Variants in FLT1 observed in about 807,000 individuals in gnomAD.
FLT1 encodes vascular endothelial growth factor receptor 1.
Under a neutral mutation model 156.3 loss-of-function variants are expected in FLT1, and 49 were observed. That is an observed-to-expected ratio of 0.31 (90% CI 0.25 to 0.40). FLT1 has a LOEUF of 0.40. Ranked by LOEUF, FLT1 falls within the 10% of genes least tolerant of loss-of-function variation. The pLI, the probability that FLT1 is intolerant of heterozygous loss-of-function variation, is 1.00. For missense variants in FLT1, 1,322 were observed against 1,637.2 expected, an observed-to-expected ratio of 0.81 and a Z score of 3.32; for synonymous variants, 594 against 583.8, an observed-to-expected ratio of 1.02 and a Z score of -0.25.
intron 15 of FLT1, chr13:28,345,757 A>G (rs1274889008): frequency 9.2e-6 from 5 of 544,884 alleles, no homozygotes; most frequent in Admixed American, 3.1e-5. Context: ...GGCAGTATAC[A>G]TGAACTCACA....
chr13:28,439,529 G>A lies in FLT1; in HGVS notation c.389-1184C>T, dbSNP rs1428078604. On this transcript the variant is annotated intron_variant, in intron 3 of 29. Coordinates refer to ENST00000282397, the MANE Select transcript of FLT1 (RefSeq NM_002019.4). This position sits in a 1 kb window ranked among gnomAD's most constrained non-coding sequence, Gnocchi z 4.1. ...GGTAGAACTGTGTCCCCACCAAAAC[G>A]ATATGCTGAAGTCCTAACCCCCCTG... is the stretch of plus-strand genomic sequence containing the variant. Among the ~76,000 whole-genome samples the A allele has an allele frequency of 1.3e-5, 2 of 152,216 alleles. No homozygotes were observed. Among genetic ancestry groups the A allele is most frequent in the Non-Finnish European group, 2.9e-5 (2 of 68,036 alleles).
Position 28,479,952 on chromosome 13 carries a change from A to G in FLT1, c.65-12335T>C, listed in dbSNP as rs73437306. ...GAATCAGCTCATTCTGTAGGACAAA[A>G]CCAAAACCAAAGTAGAAGTTACATA... On this transcript the variant is annotated intron_variant, in intron 1 of 29. Coordinates refer to ENST00000282397, the MANE Select transcript of FLT1 (RefSeq NM_002019.4). 4.2e-3 allele frequency among the ~76,000 whole-genome samples: 645 copies of G among 152,322 alleles called. 5 individuals carry two copies. Among genetic ancestry groups the G allele is most frequent in the African/African-American group, 0.015 (613 of 41,572 alleles).
intron 13 of FLT1, 178 bp downstream of exon 13, chr13:28,389,618 G>T (rs1874579710): frequency 6.8e-7 from 1 of 1,464,768 alleles, no homozygotes; most frequent in South Asian, 1.4e-5. Flanking sequence ...TTTGGGAGGA[G>T]CATCTCCTCC....
At chr13:28,481,627 T>G (rs1305723358) in intron 1 of FLT1, among the ~76,000 whole-genome samples, 1 of 152,230 alleles carries the variant, frequency 6.6e-6, no homozygotes, top group Non-Finnish European at 1.5e-5. Context: ...TGTACTGGAT[T>G]CACAATTGCA....
chr13:28,342,847 A>C (rs1872389292), intron 16 of FLT1, among the ~76,000 whole-genome samples: 1 of 152,242 alleles, frequency 6.6e-6, no homozygotes, highest in Non-Finnish European at 1.5e-5. Context: ...CTAGAAATTG[A>C]GAAGGCCTTC....
intron 12 of FLT1, among the ~76,000 whole-genome samples, chr13:28,395,937 T>TA (rs1422637731): frequency 2.6e-5 from 4 of 152,160 alleles, no homozygotes; most frequent in African/African-American, 9.7e-5. Context: ...ATACTACGAC[T>TA]ATGGGTTGAG....
At chr13:28,427,059 T>C in intron 10 of FLT1, 100 bp downstream of exon 10, 1 of 1,115,798 alleles carries the variant, frequency 9.0e-7, no homozygotes, top group Non-Finnish European at 1.4e-6. Context: ...AAATATACAG[T>C]ACATCCCACA....
chr13:28,473,339 T>C (rs1483739326), intron 1 of FLT1, among the ~76,000 whole-genome samples: 1 of 151,952 alleles, frequency 6.6e-6, no homozygotes, highest in African/African-American at 2.4e-5. Flanking sequence ...GTATTACCTA[T>C]AACAGCCAAA....
intron 14 of FLT1, chr13:28,368,389 T>A (rs1873385149): frequency 9.1e-6 from 11 of 1,212,402 alleles, no homozygotes; most frequent in Non-Finnish European, 1.2e-5. Context: ...TGACCTCAAA[T>A]GATCCACCTG....
rs779656107 is a variant in FLT1 at position 28,303,303 on chromosome 13, T to G, written c.3881A>C (p.His1294Pro). Residue 1294 changes from histidine (H) to proline (P), a missense_variant, in exon 30 of 30, where the codon CAT (histidine) becomes CCT (proline). Around this residue, in one of 3 missense-constraint regions of FLT1, gnomAD observed 329 missense variants for 366.2 expected, o/e 0.90. Transcript: ENST00000282397. The part of the protein sequence containing the change: ...LSDVSRPSFC[H>P]SSCGHVSEGK... ...TTCGCTGACGTGCCCACAGCTGGAA[T>G]GGCAGAAACTGGGCCTGCTGACATC... 6.2e-7 allele frequency: 1 copy of G among 1,614,126 alleles called. No homozygotes were observed. Among genetic ancestry groups the G allele is most frequent in the East Asian group, 2.2e-5 (1 of 44,880 alleles).
chr13:28,406,038 T>C (rs1875779883), intron 10 of FLT1, 144 bp from the exon 11 acceptor site: 1 of 665,516 alleles, frequency 1.5e-6, no homozygotes, highest in South Asian at 1.7e-5. Context: ...GATTTTTTCC[T>C]ATATTCATCC....
intron 3 of FLT1, among the ~76,000 whole-genome samples, chr13:28,448,640 T>C (rs1878747423): frequency 6.6e-6 from 1 of 152,174 alleles, no homozygotes; most frequent in East Asian, 1.9e-4. Context: ...TGGAGTTTAT[T>C]TTGAGACAAT....
intron 15 of FLT1, among the ~76,000 whole-genome samples, chr13:28,352,753 C>T (rs895473383): frequency 2.0e-5 from 3 of 152,208 alleles, no homozygotes; most frequent in Non-Finnish European, 2.9e-5. Context: ...AGAGGTGTAA[C>T]ATCAATCCCC....
intron 12 of FLT1, among the ~76,000 whole-genome samples, chr13:28,391,295 A>G (rs1874696854): frequency 6.6e-6 from 1 of 152,190 alleles, no homozygotes; most frequent in Admixed American, 6.5e-5. Flanking sequence ...TGGGACCCCA[A>G]AATCACTAAG....
chr13:28,342,542 G>A (rs1268109771), intron 16 of FLT1, among the ~76,000 whole-genome samples: 1 of 152,102 alleles, frequency 6.6e-6, no homozygotes, highest in Non-Finnish European at 1.5e-5. Flanking sequence ...GCAAAAGCCT[G>A]ATGTTAAACA....
rs192117787 is a variant in FLT1, at chr13:28,463,710, A to G, written c.388+3193T>C. On this transcript the variant is annotated intron_variant, in intron 3 of 29. Coordinates refer to ENST00000282397, the MANE Select transcript of FLT1 (RefSeq NM_002019.4). ...GAGACAATGCTCTGAGTCATCAGAG[A>G]TAAGTTTTGTGCTCCTGAACTAAAA... Among the ~76,000 whole-genome samples, 15 of 152,330 alleles carry G rather than the reference A, an allele frequency of 9.8e-5. No homozygotes were observed. The East Asian group carries it at 2.7e-3, about 27-fold the overall frequency.
At chr13:28,427,675 G>C in intron 9 of FLT1, 77 bp downstream of exon 9, 2 of 1,277,464 alleles carry the variant, frequency 1.6e-6, no homozygotes, top group Non-Finnish European at 2.3e-6. Context: ...ATGTTGTTAC[G>C]CTGATTTTTG....
At position 28,322,145 on chromosome 13, in the gene FLT1, G is replaced by A; in HGVS notation, c.3051+117C>T. 1.3e-6 allele frequency: 1 copy of A among 749,876 alleles called. No individual in the cohort carries two copies. The highest frequency in any genetic ancestry group is 2.4e-6 in the Non-Finnish European group (1 of 417,100). The allele number at this position is 749,876 out of a possible 1,614,324, so 46.5% of individuals were successfully genotyped here. ...AAGGCAAATTAAGGCACTTGCAGTG[G>A]TGTTTGTTCTACATTTAAGAACATA... is the stretch of plus-strand genomic sequence containing the variant. On this transcript the variant is annotated intron_variant, in intron 22 of 29. Transcript: ENST00000282397. This position sits in a 1 kb window ranked among gnomAD's most constrained non-coding sequence, Gnocchi z 4.3.
intron 29 of FLT1, 61 bp downstream of exon 29, chr13:28,306,617 C>T: frequency 8.6e-7 from 1 of 1,161,636 alleles, no homozygotes; most frequent in Non-Finnish European, 1.3e-6. Context: ...ACCACCTTCC[C>T]CCAGCATCTC....
Sources: gnomAD v4.1 joint callset for allele counts (sites outside exome capture counted in the v4.1 genomes callset) on GRCh38, gnomAD v4.1.1 for gene constraint, gnomAD v4.1.1 regional missense constraint, Gnocchi (gnomAD v3.1) non-coding constraint, MANE v1.5 for transcripts, NCBI Gene and HGNC (gene_info 2026-07-23, HGNC 2026-07-21) for gene names.